Variants in HSPG2 observed in about 807,000 individuals in gnomAD.
The protein encoded by HSPG2 is heparan sulfate proteoglycan 2.
In HSPG2, 278 loss-of-function variants were observed where a neutral mutation model predicts 526.6. The ratio of observed to expected loss-of-function variants is 0.53; its 90% CI spans 0.48 to 0.58. The LOEUF (loss-of-function observed/expected upper bound fraction) is 0.58. HSPG2 is among the 20% of genes least tolerant of loss of function. The pLI is 0.00. For synonymous variants in HSPG2, 2,465 were observed against 2,555.4 expected (o/e 0.96, Z 1.07); for missense variants, 5,354 against 6,099.5 (o/e 0.88, Z 4.07).
chr1:21,922,943 A>G (rs754983345), intron 1 of HSPG2, among the ~76,000 whole-genome samples: 4 of 152,006 alleles, frequency 2.6e-5, no homozygotes, highest in African/African-American at 4.8e-5. Context: ...GCTTGAGCTG[A>G]TGTTTCCCCC....
intron 1 of HSPG2, among the ~76,000 whole-genome samples, chr1:21,929,095 G>A (rs1245363561): frequency 6.6e-6 from 1 of 152,112 alleles, no homozygotes; most frequent in Non-Finnish European, 1.5e-5. Flanking sequence ...CCTACTATCT[G>A]CCTAGCACCA....
Position 21,893,811 on chromosome 1 carries a change from G to A in HSPG2, c.244+2111C>T, listed in dbSNP as rs1208400512. The stretch of plus-strand genomic sequence containing the variant: ...AGACAGAGACAGAGATAAAGAAAGT[G>A]GGGCGGGGGAGAATGAGAGAGAAAA... On this transcript the variant is annotated intron_variant, in intron 3 of 96. Coordinates refer to ENST00000374695, the MANE Select transcript of HSPG2 (RefSeq NM_005529.7). The surrounding 1 kb of genome is among the most constrained non-coding windows in gnomAD (Gnocchi z 4.3). Among the ~76,000 whole-genome samples, 1 of 151,866 alleles carries A rather than the reference G, an allele frequency of 6.6e-6. No homozygotes were observed. The highest frequency in any genetic ancestry group is 1.5e-5 in the Non-Finnish European group (1 of 67,950).
chr1:21,876,760 A>C, intron 21 of HSPG2, 108 bp from the exon 22 acceptor site: 1 of 1,477,442 alleles, frequency 6.8e-7, no homozygotes, highest in East Asian at 2.4e-5. Flanking sequence ...CAGGGGAGCC[A>C]CTGAAAGAGC....
At position 21,839,373 on chromosome 1, in the gene HSPG2, TC is replaced by T. The variant is rs1248473023; in HGVS notation, c.9886del (p.Glu3296ArgfsTer113). 1 of 1,612,144 alleles carries T rather than the reference TC, an allele frequency of 6.2e-7. No homozygotes were observed. Among genetic ancestry groups the T allele is most frequent in the Admixed American group, 1.7e-5 (1 of 60,012 alleles). The part of the protein sequence containing the change: ...HAEATIILHV[E>X]SPPYATTVPE... ...ACAAAGAAGGGATGAGGCCTTACTC[TC>T]CACGTGCAGGATGATGGTGGCCTCA... On this transcript the variant is annotated frameshift_variant, in exon 73 of 97. Coordinates refer to ENST00000374695, the MANE Select transcript of HSPG2 (RefSeq NM_005529.7). LOFTEE classifies it high-confidence loss of function. The surrounding 1 kb of genome is among the most constrained non-coding windows in gnomAD (Gnocchi z 4.5).
At chr1:21,845,855 G>A (rs2152710526) in intron 64 of HSPG2, among the ~76,000 whole-genome samples, 1 of 152,326 alleles carries the variant, frequency 6.6e-6, no homozygotes, top group East Asian at 1.9e-4. Context: ...TGTGGCCAGA[G>A]GAACTGGGAC....
At position 21,844,375 on chromosome 1, in the gene HSPG2, C is replaced by T. The variant is rs1572199877; in HGVS notation, c.8465-76G>A. On this transcript the variant is annotated intron_variant, in intron 64 of 96. Transcript: ENST00000374695. The stretch of plus-strand genomic sequence containing the variant: ...CAGCCCTTCCCCTGGGGCCCAGATA[C>T]TAGGACCAGAGGCCATTTGGGACAT... The T allele has an allele frequency of 4.0e-6, 6 of 1,504,738 alleles. No homozygotes were observed. In the East Asian group the frequency reaches 6.9e-5, roughly 17 times the overall value. 93.2% of individuals were successfully genotyped at this position (1,504,738 alleles called of 1,614,324 possible).
intron 77 of HSPG2, 125 bp downstream of exon 77, chr1:21,834,554 A>G: frequency 8.3e-7 from 1 of 1,201,788 alleles, no homozygotes; most frequent in South Asian, 1.4e-5. Flanking sequence ...CCCCTTAAAC[A>G]CACACAATGG....
At chr1:21,877,040 TG>T (rs1180835540) in intron 21 of HSPG2, among the ~76,000 whole-genome samples, 2 of 113,014 alleles carry the variant, frequency 1.8e-5, no homozygotes, top group Non-Finnish European at 3.3e-5. Context: ...GCCTACGCGA[TG>T]GGAGCGAGAC....
intron 50 of HSPG2, chr1:21,853,779 A>T (rs1309406405): frequency 1.0e-5 from 2 of 194,966 alleles, no homozygotes; most frequent in South Asian, 8.1e-5. Context: ...AATAAAATAA[A>T]ATAAAATAAA....
At chr1:21,867,870 C>G (rs1640360274) in intron 33 of HSPG2, among the ~76,000 whole-genome samples, 1 of 151,982 alleles carries the variant, frequency 6.6e-6, no homozygotes, top group Non-Finnish European at 1.5e-5. Context: ...AGTAGGATTA[C>G]AGGTGCCTGC....
Position 21,829,493 on chromosome 1 carries a change from G to T in HSPG2, c.11882C>A (p.Ala3961Asp). 1 of 1,613,374 alleles carries T rather than the reference G, an allele frequency of 6.2e-7. No homozygotes were observed. The highest frequency in any genetic ancestry group is 1.1e-5 in the South Asian group (1 of 91,074). The change falls in exon 87 of 97, where the codon GCC becomes GAC. Residue 3961 changes from alanine to aspartate, a missense_variant. Physicochemically the swap from Ala to Asp is moderately radical, Grantham distance 126. Transcript: ENST00000374695. Reference protein sequence around the residue: ...LRLDVEFKPLAPDGVLLFSGG... With the variant: ...LRLDVEFKPLDPDGVLLFSGG... Reference sequence around the variant, plus strand: ...GCTGAACAGCAGGACCCCGTCAGGGGCGAGTGGCTTGAACTCCACGTCCAG... The same window carrying T: ...GCTGAACAGCAGGACCCCGTCAGGGTCGAGTGGCTTGAACTCCACGTCCAG...
rs1642041007 is a variant in HSPG2 at position 21,887,770 on chromosome 1, A to G, written c.704-96T>C. The G allele has an allele frequency of 6.4e-7, 1 of 1,573,278 alleles. No homozygotes were observed. The highest frequency in any genetic ancestry group is 1.4e-5 in the African/African-American group (1 of 73,988). On this transcript the variant is annotated intron_variant, in intron 7 of 96. Coordinates refer to ENST00000374695, the MANE Select transcript of HSPG2 (RefSeq NM_005529.7). The surrounding 1 kb of genome is among the most constrained non-coding windows in gnomAD (Gnocchi z 5.0). ...CCCCAGGCCCACCCTGTACTCCCCA[A>G]CACCACTCCCTGCCACCCCCTGCCT...
rs988252989 is a variant in HSPG2, at chr1:21,922,670, A to G, written c.63+14485T>C. Among the ~76,000 whole-genome samples the G allele has an allele frequency of 3.3e-5, 5 of 152,160 alleles. No individual in the cohort carries two copies. In the East Asian group the frequency reaches 9.6e-4, roughly 29 times the overall value. On this transcript the variant is annotated intron_variant, in intron 1 of 96. Coordinates refer to ENST00000374695, the MANE Select transcript of HSPG2 (RefSeq NM_005529.7). ...GGGGAAGGAGGAAGCACCTGAAGCC[A>G]ACGTAAGGTGGAGCCTCTTGGAGGA...
rs555923179 is a variant in HSPG2 at position 21,903,036 on chromosome 1, C to T, written c.64-6726G>A. Among the ~76,000 whole-genome samples the T allele has an allele frequency of 4.6e-5, 7 of 152,308 alleles. No individual in the cohort carries two copies. The South Asian group carries it at 1.5e-3, about 32-fold the overall frequency. On this transcript the variant is annotated intron_variant, in intron 1 of 96. Coordinates refer to ENST00000374695, the MANE Select transcript of HSPG2 (RefSeq NM_005529.7). Reference sequence around the variant, plus strand: ...TAAATCTGCGGACTCACGGACAAACCAAATGAATGAACCTGCCCAACAGCC... The same window carrying T: ...TAAATCTGCGGACTCACGGACAAACTAAATGAATGAACCTGCCCAACAGCC...
At chr1:21,869,429 TG>T (rs1036116134) in intron 33 of HSPG2, 1 of 985,258 alleles carries the variant, frequency 1.0e-6, no homozygotes, top group Non-Finnish European at 1.2e-6. Context: ...GAAAGCATGG[TG>T]GGTGGGGATC....
At chr1:21,861,702 T>C (rs892504793) in intron 39 of HSPG2, 55 bp downstream of exon 39, 20 of 1,502,368 alleles carry the variant, frequency 1.3e-5, no homozygotes, top group Admixed American at 1.0e-4. Flanking sequence ...AGGCTCTCAC[T>C]TGGGAGTCCA....
At position 21,859,336 on chromosome 1, in the gene HSPG2, C is replaced by T. The variant is rs950930470; in HGVS notation, c.5293+230G>A. Reference sequence around the variant, plus strand: ...TGTTGGGATTATAGACGTGACCCACCGTGCCCGGCCCACCCTTTTCTTTTG... The same window carrying T: ...TGTTGGGATTATAGACGTGACCCACTGTGCCCGGCCCACCCTTTTCTTTTG... On this transcript the variant is annotated intron_variant, in intron 42 of 96. Coordinates refer to ENST00000374695, the MANE Select transcript of HSPG2 (RefSeq NM_005529.7). This position sits in a 1 kb window ranked among gnomAD's most constrained non-coding sequence, Gnocchi z 5.3. Among the ~76,000 whole-genome samples the T allele has an allele frequency of 5.9e-5, 9 of 152,152 alleles. No homozygotes were observed. The highest frequency in any genetic ancestry group is 1.4e-4 in the African/African-American group (6 of 41,438).
In HSPG2 at chr1:21,875,906, G is replaced by A. The variant is rs1431305583; in HGVS notation, c.3140C>T (p.Pro1047Leu). ...GAAGGTGCTGGGCTGGCCGGGGCTG[G>A]GCTCCTGGGCCACATGGTGCTCTAG... ...IILEHHVAQEPSPGQPSTFIV... is the reference protein window; with the variant it reads ...IILEHHVAQELSPGQPSTFIV... The change falls in exon 24 of 97, where the codon CCC becomes CTC. Residue 1047 changes from proline to leucine, a missense_variant. Physicochemically the swap from Pro to Leu is moderately conservative, Grantham distance 98 (BLOSUM62 -3). Coordinates refer to ENST00000374695, the MANE Select transcript of HSPG2 (RefSeq NM_005529.7). The A allele has an allele frequency of 6.2e-7, 1 of 1,614,162 alleles. No individual in the cohort carries two copies. Among genetic ancestry groups the A allele is most frequent in the Non-Finnish European group, 8.5e-7 (1 of 1,180,042 alleles).
At chr1:21,827,829 T>G in intron 91 of HSPG2, 34 bp downstream of exon 91, 1 of 1,562,184 alleles carries the variant, frequency 6.4e-7, no homozygotes, top group South Asian at 1.2e-5. Flanking sequence ...TGAGCTGAGC[T>G]GAAGCTGGGG....
Sources: gnomAD v4.1 joint callset for allele counts (sites outside exome capture counted in the v4.1 genomes callset) on GRCh38, gnomAD v4.1.1 for gene constraint, Gnocchi (gnomAD v3.1) non-coding constraint, MANE v1.5 for transcripts, NCBI Gene and HGNC (gene_info 2026-07-23, HGNC 2026-07-21) for gene names.